Variants in ACSM4 observed in about 807,000 individuals in gnomAD.
ACSM4 encodes acyl-CoA synthetase medium chain family member 4.
Under a neutral mutation model 73.0 loss-of-function variants are expected in ACSM4, and 66 were observed. The observed-to-expected ratio is 0.90, with a 90% CI of 0.74 to 1.11. The LOEUF is 1.11. ACSM4 is among the 50% of genes least tolerant of loss of function. The pLI, the probability that ACSM4 is intolerant of heterozygous loss-of-function variation, is 0.00. For missense variants in ACSM4, 645 were observed against 714.4 expected, an observed-to-expected ratio of 0.90 and a Z score of 1.11; for synonymous variants, 222 against 254.0, an observed-to-expected ratio of 0.87 and a Z score of 1.20.
chr12:7,317,393 T>A, intron 4 of ACSM4, 113 bp downstream of exon 4: 1 of 1,369,376 alleles, frequency 7.3e-7, no homozygotes, highest in Non-Finnish European at 9.6e-7. Flanking sequence ...GCAATTATAA[T>A]AGCTACAAAA....
chr12:7,306,423 T>C, intron 1 of ACSM4, 110 bp from the exon 2 acceptor site: 1 of 1,030,250 alleles, frequency 9.7e-7, no homozygotes, highest in Non-Finnish European at 1.4e-6. Context: ...AGGGCGCTGT[T>C]AGCAGAATGC....
At chr12:7,313,346 T>A (rs1946401430) in intron 3 of ACSM4, among the ~76,000 whole-genome samples, 1 of 152,182 alleles carries the variant, frequency 6.6e-6, no homozygotes, top group Non-Finnish European at 1.5e-5. Context: ...CTTTGGAGTG[T>A]CATAACTCCA....
chr12:7,309,301 G>T (rs1946377603), intron 2 of ACSM4, among the ~76,000 whole-genome samples: 1 of 152,152 alleles, frequency 6.6e-6, no homozygotes, highest in Non-Finnish European at 1.5e-5. Flanking sequence ...CCACTCACCA[G>T]CTCTGACCAA....
In ACSM4 at chr12:7,324,486, T is replaced by C. The variant is rs1591846966; in HGVS notation, c.1437-13T>C. ...GGAGGATGTGGTGGTCAAAAACTTC[T>C]TTTCCTCTTCAGGTACCGTATTGGG... On this transcript the variant is annotated splice_polypyrimidine_tract_variant and intron_variant, in intron 10 of 12. Transcript: ENST00000399422. The C allele has an allele frequency of 1.9e-6, 3 of 1,613,814 alleles. No homozygotes were observed. Among genetic ancestry groups the C allele is most frequent in the African/African-American group, 1.3e-5 (1 of 74,924 alleles).
chr12:7,324,736 A>G, intron 11 of ACSM4, 138 bp downstream of exon 11: 1 of 895,270 alleles, frequency 1.1e-6, no homozygotes, highest in Non-Finnish European at 1.7e-6. Context: ...AATATAAATC[A>G]GGCAACCAAC....
rs1368885870 is a variant in ACSM4 at position 7,320,720 on chromosome 12, TC to T, written c.922-3del. 2 of 1,610,980 alleles carry T rather than the reference TC, an allele frequency of 1.2e-6. No individual in the cohort carries two copies. The highest frequency in any genetic ancestry group is 1.7e-6 in the Non-Finnish European group (2 of 1,177,294). On this transcript the variant is annotated splice_region_variant and splice_polypyrimidine_tract_variant and intron_variant, in intron 5 of 12. Coordinates refer to ENST00000399422, the MANE Select transcript of ACSM4 (RefSeq NM_001080454.2). ...CTGACATCTGTGTCTTTCTCCATCA[TC>T]CAGACACTTACTACTTATCCCATCA...
At chr12:7,321,038 C>A (rs781697190) in intron 6 of ACSM4, among the ~76,000 whole-genome samples, 13 of 152,248 alleles carry the variant, frequency 8.5e-5, no homozygotes, top group Non-Finnish European at 1.3e-4. Context: ...TTGTGAAAAT[C>A]AAAAATGTCC....
intron 3 of ACSM4, among the ~76,000 whole-genome samples, chr12:7,316,309 A>T (rs189107521): frequency 1.3e-5 from 2 of 152,306 alleles, no homozygotes; most frequent in African/African-American, 4.8e-5. Context: ...CTCAGTATAC[A>T]TCCAAGATGG....
At chr12:7,306,847 C>CAAAAAA (rs59277746) in intron 2 of ACSM4, 104 bp downstream of exon 2, 29 of 488,338 alleles carry the variant, frequency 5.9e-5, no homozygotes, top group African/African-American at 2.6e-4. Flanking sequence ...ATACAGAAGA[C>CAAAAAA]AAAAAAAAAA....
intron 2 of ACSM4, among the ~76,000 whole-genome samples, chr12:7,308,195 T>A (rs1946371763): frequency 6.6e-6 from 1 of 152,194 alleles, no homozygotes; most frequent in African/African-American, 2.4e-5. Context: ...TTCGTTTATA[T>A]AAAATTCTTT....
rs1474859581 is a variant in ACSM4 at position 7,328,442 on chromosome 12, C to T, written c.*69C>T. ...TCTTTTAGTATTTGTTCCGATAATT[C>T]AGCGACTACTCTCTTAAAATGTTTA... On this transcript the variant is annotated 3_prime_UTR_variant, in exon 13 of 13. Coordinates refer to ENST00000399422, the MANE Select transcript of ACSM4 (RefSeq NM_001080454.2). The T allele has an allele frequency of 3.4e-6, 4 of 1,188,972 alleles. No homozygotes were observed. The highest frequency in any genetic ancestry group is 3.2e-5 in the African/African-American group (2 of 63,436). 73.7% of individuals were successfully genotyped at this position (1,188,972 alleles called of 1,614,324 possible). A position where few individuals can be genotyped will look rare whatever the true frequency, so the allele number is the denominator to read the frequency against.
At chr12:7,312,039 C>T (rs1048421411) in intron 3 of ACSM4, among the ~76,000 whole-genome samples, 4 of 152,170 alleles carry the variant, frequency 2.6e-5, no homozygotes, top group African/African-American at 9.7e-5. Context: ...GCTCATTTTT[C>T]ACATGTTGTC....
intron 7 of ACSM4, 147 bp from the exon 8 acceptor site, chr12:7,323,087 G>T: frequency 1.4e-6 from 1 of 712,708 alleles, no homozygotes. Context: ...CGAAGTTTGA[G>T]AACTACTGGT....
intron 6 of ACSM4, 131 bp downstream of exon 6, chr12:7,320,935 A>C: frequency 1.2e-6 from 1 of 823,572 alleles, no homozygotes; most frequent in Non-Finnish European, 2.0e-6. Context: ...GAACCGAATA[A>C]TTCTATCGTC....
At chr12:7,323,751 T>C (rs1384244287) in intron 9 of ACSM4, among the ~76,000 whole-genome samples, 191 bp downstream of exon 9, 1 of 152,148 alleles carries the variant, frequency 6.6e-6, no homozygotes, top group African/African-American at 2.4e-5. Flanking sequence ...GTTGCAGTGG[T>C]TATCCTCAGA....
rs776810253 is a variant in ACSM4 at position 7,324,264 on chromosome 12, G to A, written c.1309-9G>A. 6.2e-7 allele frequency: 1 copy of A among 1,611,096 alleles called. No individual in the cohort carries two copies. The highest frequency in any genetic ancestry group is 1.1e-5 in the South Asian group (1 of 90,562). ...AGACTAATCCCCAAATGTCATCCTT[G>A]GTTCCCAGGACAATCCACAGAAAAC... On this transcript the variant is annotated splice_polypyrimidine_tract_variant and intron_variant, in intron 9 of 12. Coordinates refer to ENST00000399422, the MANE Select transcript of ACSM4 (RefSeq NM_001080454.2).
At chr12:7,319,584 C>G (rs375982988) in intron 5 of ACSM4, among the ~76,000 whole-genome samples, 13 of 144,934 alleles carry the variant, frequency 9.0e-5, no homozygotes, top group African/African-American at 3.3e-4. Flanking sequence ...AGCAAGACTC[C>G]GTCTCAAAAA....
intron 12 of ACSM4, 74 bp downstream of exon 12, chr12:7,327,169 A>T: frequency 2.1e-6 from 3 of 1,454,736 alleles, no homozygotes; most frequent in Non-Finnish European, 2.7e-6. Flanking sequence ...ATTTTACTGG[A>T]TTTTGATTTT....
chr12:7,327,452 C>T (rs757949074), intron 12 of ACSM4, among the ~76,000 whole-genome samples: 5 of 152,280 alleles, frequency 3.3e-5, no homozygotes, highest in African/African-American at 4.8e-5. Context: ...CCTAATACCC[C>T]TATAAATTCA....
Sources: allele counts gnomAD v4.1 joint callset (sites outside exome capture counted in the v4.1 genomes callset), GRCh38; gene constraint gnomAD v4.1.1; transcripts MANE v1.5; gene names NCBI Gene and HGNC (gene_info 2026-07-23, HGNC 2026-07-21).